The following SPATA6 variants were observed in gnomAD, a reference collection of about 807,000 sequenced individuals.
The protein encoded by SPATA6 is spermatogenesis associated 6, also known as spermatogenesis-associated protein 6.
SPATA6 carries 56 observed loss-of-function variants against 65.3 expected under a neutral mutation model. The observed-to-expected ratio is 0.86, with a 90% confidence interval of 0.69 to 1.07. The LOEUF is 1.07. Among genes scored for constraint, SPATA6 ranks in the 50% least tolerant of loss-of-function variants. SPATA6 has a pLI of 0.00. For missense variants in SPATA6, 590 were observed against 594.8 expected, an observed-to-expected ratio of 0.99 and a Z score of 0.08; for synonymous variants, 199 against 213.2, an observed-to-expected ratio of 0.93 and a Z score of 0.58.
At chr1:48,324,146 C>A (rs1412990513) in intron 11 of SPATA6, among the ~76,000 whole-genome samples, 1 of 151,960 alleles carries the variant, frequency 6.6e-6, no homozygotes, top group Non-Finnish European at 1.5e-5. Context: ...TTTGTAGAGA[C>A]AAGGTCTCAC....
intron 11 of SPATA6, among the ~76,000 whole-genome samples, chr1:48,314,052 A>T (rs1354711068): frequency 2.0e-5 from 3 of 152,190 alleles, no homozygotes; most frequent in African/African-American, 4.8e-5. Context: ...AAGTCCTTAG[A>T]GACCTACAAA....
chr1:48,423,181 G>A lies in SPATA6; in HGVS notation c.239-10030C>T, dbSNP rs370941216. 3.9e-5 allele frequency among the ~76,000 whole-genome samples: 6 copies of A among 152,252 alleles called. No homozygotes were observed. The East Asian group carries it at 5.8e-4, about 15-fold the overall frequency. On this transcript the variant is annotated intron_variant, in intron 3 of 12. Coordinates refer to ENST00000371847, the MANE Select transcript of SPATA6 (RefSeq NM_019073.4). Reference sequence around the variant, plus strand: ...ATAAAAAGTCAGAAAAGTAGGCCGGGCATGGTGGCTCACACCTGTAATCCC... The same window carrying A: ...ATAAAAAGTCAGAAAAGTAGGCCGGACATGGTGGCTCACACCTGTAATCCC...
At chr1:48,410,836 C>G (rs1228374894) in intron 5 of SPATA6, among the ~76,000 whole-genome samples, 1 of 152,216 alleles carries the variant, frequency 6.6e-6, no homozygotes, top group African/African-American at 2.4e-5. Flanking sequence ...GGTCCCACCC[C>G]TGACACACAA....
At position 48,399,583 on chromosome 1, in the gene SPATA6, G is replaced by A; in HGVS notation, c.548C>T (p.Thr183Ile). The A allele has an allele frequency of 6.2e-7, 1 of 1,612,446 alleles. No homozygotes were observed. Residue 183 changes from threonine to isoleucine, a missense_variant, in exon 7 of 13, where the codon ACA becomes ATA. Coordinates refer to ENST00000371847, the MANE Select transcript of SPATA6 (RefSeq NM_019073.4). ...GGATTTTTTCTTTTGTGATCTTGATGTTCTGTTTTGCAGTCTGCCATGTGA... is the reference window on the plus strand; with the variant it reads ...GGATTTTTTCTTTTGTGATCTTGATATTCTGTTTTGCAGTCTGCCATGTGA... The part of the protein sequence containing the change: ...EKSHGRLQNR[T>I]SRSQKKKSKS...
At chr1:48,261,650 G>A in the SPATA6 span, among the ~76,000 whole-genome samples, 1 of 152,138 alleles carries the variant, frequency 6.6e-6, no homozygotes. Context: ...ACTTTCAGAT[G>A]AGGACATATG....
At chr1:48,304,709 G>A (rs1443931361) in intron 12 of SPATA6, among the ~76,000 whole-genome samples, 1 of 151,844 alleles carries the variant, frequency 6.6e-6, no homozygotes, top group African/African-American at 2.4e-5. Context: ...CATCTATGGG[G>A]GTAAAAAGTG....
chr1:48,428,314 C>T (rs754262748), intron 3 of SPATA6, among the ~76,000 whole-genome samples: 6 of 152,120 alleles, frequency 3.9e-5, no homozygotes, highest in South Asian at 4.1e-4. Flanking sequence ...AATAGCTGGG[C>T]GTGGTGGCAC....
chr1:48,364,596 T>A (rs1557616881), intron 9 of SPATA6, among the ~76,000 whole-genome samples: 1 of 152,268 alleles, frequency 6.6e-6, no homozygotes, highest in Non-Finnish European at 1.5e-5. Context: ...TGCATAAATG[T>A]CTTCTTTTGA....
intron 3 of SPATA6, among the ~76,000 whole-genome samples, chr1:48,420,398 C>T (rs78639694): frequency 0.097 from 14,793 of 152,258 alleles, 869 homozygotes; most frequent in South Asian, 0.17. Context: ...GGAACCCCAA[C>T]TTCAAGCCAG....
At chr1:48,293,382 G>A (rs928584205), downstream of SPATA6, among the ~76,000 whole-genome samples, 1 of 152,090 alleles carries the variant, frequency 6.6e-6, no homozygotes, top group Admixed American at 6.5e-5. Context: ...TTTTGGTTTG[G>A]TTTTGCTTTG....
intron 3 of SPATA6, among the ~76,000 whole-genome samples, chr1:48,434,563 T>C (rs1654713274): frequency 6.6e-6 from 1 of 151,454 alleles, no homozygotes; most frequent in African/African-American, 2.4e-5. Flanking sequence ...AGAAGGCCTC[T>C]CTGATTATGA....
chr1:48,277,513 C>A, the SPATA6 span, among the ~76,000 whole-genome samples: 1 of 152,238 alleles, frequency 6.6e-6, no homozygotes, highest in Non-Finnish European at 1.5e-5. Context: ...AAAAACGGTG[C>A]ACCAGGAGAT....
In SPATA6 at chr1:48,399,425, G is replaced by A. The variant is rs756779840; in HGVS notation, c.706C>T (p.Arg236Trp). 8.6e-5 allele frequency: 138 copies of A among 1,613,036 alleles called. No homozygotes were observed. Among genetic ancestry groups the A allele is most frequent in the Middle Eastern group, 3.3e-4 (2 of 6,072 alleles). The stretch of plus-strand genomic sequence containing the variant: ...GGTCCCAGATTTAAATGGGCCAGCC[G>A]CCGCCTGGTGTCTTCAGATAGCTCA... ...MCELSEDTRR[R>W]LAHLNLGPYE... The change falls in exon 7 of 13, where the codon CGG (arginine) becomes TGG (tryptophan). Residue 236 changes from arginine to tryptophan, a missense_variant. Transcript: ENST00000371847.
At chr1:48,399,065 A>T (rs1377034102) in intron 7 of SPATA6, 4 of 279,678 alleles carry the variant, frequency 1.4e-5, no homozygotes, top group Non-Finnish European at 2.6e-5. Context: ...AACCAAGTTC[A>T]ATTGGTAGCG....
At chr1:48,390,084 C>T (rs1258480215) in intron 8 of SPATA6, among the ~76,000 whole-genome samples, 1 of 152,038 alleles carries the variant, frequency 6.6e-6, no homozygotes, top group African/African-American at 2.4e-5. Context: ...TACTGGGTAT[C>T]CATCCAAAGG....
rs1553172786 is a variant in SPATA6, at chr1:48,442,736, A to AACAAC, written c.238+8815_238+8816insGTTGT. 3.1e-3 allele frequency among the ~76,000 whole-genome samples: 462 copies of AACAAC among 149,934 alleles called. 15 individuals are homozygous for AACAAC. The South Asian group carries it at 0.037, about 12-fold the overall frequency. On this transcript the variant is annotated intron_variant, in intron 3 of 12. Transcript: ENST00000371847. ...AAGTAGTAAAAAAAAAAAAAAAAAA[A>AACAAC]AAAAAAAAACAGTGTACCCTATTCC... is the stretch of plus-strand genomic sequence containing the variant.
chr1:48,443,076 CTT>C (rs1655673868), intron 3 of SPATA6, among the ~76,000 whole-genome samples: 1 of 152,212 alleles, frequency 6.6e-6, no homozygotes, highest in Admixed American at 6.5e-5. Flanking sequence ...AGGAAGCAGA[CTT>C]AGGAAAATCG....
intron 3 of SPATA6, among the ~76,000 whole-genome samples, chr1:48,450,012 G>T (rs1656416504): frequency 6.6e-6 from 1 of 151,972 alleles, no homozygotes; most frequent in Admixed American, 6.6e-5. Flanking sequence ...GTTAGTGTGG[G>T]TATTATAAAC....
intron 8 of SPATA6, among the ~76,000 whole-genome samples, chr1:48,394,177 T>C (rs1364369861): frequency 1.3e-5 from 2 of 152,034 alleles, no homozygotes; most frequent in Non-Finnish European, 2.9e-5. Flanking sequence ...AAAATCAAAA[T>C]AAAAAGTTAA....
Sources: allele counts gnomAD v4.1 joint callset (sites outside exome capture counted in the v4.1 genomes callset), GRCh38; gene constraint gnomAD v4.1.1; transcripts MANE v1.5; gene names NCBI Gene and HGNC (gene_info 2026-07-23, HGNC 2026-07-21).